Variants in ATP2B4 observed in about 807,000 individuals in gnomAD.
The protein encoded by ATP2B4 is plasma membrane calcium-transporting ATPase 4.
Under a neutral mutation model 110.3 loss-of-function variants are expected in ATP2B4, and 39 were observed. The observed-to-expected ratio is 0.35, with a 90% CI of 0.27 to 0.46. The LOEUF is 0.46. Among genes scored for constraint, ATP2B4 ranks in the 20% least tolerant of loss-of-function variants. ATP2B4 has a pLI of 1.00. For missense variants in ATP2B4, 1,135 were observed against 1,530.9 expected (o/e 0.74, Z 4.32); for synonymous variants, 538 against 571.7 (o/e 0.94, Z 0.84).
At chr1:203,694,202 C>A (rs531004808) in intron 2 of ATP2B4, among the ~76,000 whole-genome samples, 1 of 152,354 alleles carries the variant, frequency 6.6e-6, no homozygotes, top group Admixed American at 6.5e-5. Flanking sequence ...TCAGTTCATT[C>A]TACAAATTTG....
rs145315627 is a variant in ATP2B4 at position 203,628,225 on chromosome 1, T to G, written c.-465+1006T>G. ...CTCTCCCTTCTCTCTTTCTTTTACA[T>G]ACTTGGCTCGCTCTTGGTAGAGGGG... is the stretch of plus-strand genomic sequence containing the variant. On this transcript the variant is annotated intron_variant, in intron 1 of 20. Transcript: ENST00000357681. Among the ~76,000 whole-genome samples, 34 of 152,228 alleles carry G rather than the reference T, an allele frequency of 2.2e-4. No individual in the cohort carries two copies. The East Asian group carries it at 4.5e-3, about 20-fold the overall frequency.
chr1:203,666,716 C>T (rs1415436092), intron 1 of ATP2B4, among the ~76,000 whole-genome samples: 2 of 152,140 alleles, frequency 1.3e-5, no homozygotes, highest in Non-Finnish European at 2.9e-5. Context: ...ATTTTCTTTG[C>T]CCTGTTATGG....
chr1:203,681,207 G>A (rs1665000103), intron 1 of ATP2B4, among the ~76,000 whole-genome samples: 1 of 152,150 alleles, frequency 6.6e-6, no homozygotes, highest in African/African-American at 2.4e-5. Context: ...AATCTATGTG[G>A]CGAGGAGGAC....
At chr1:203,725,396 G>A (rs763914849) in intron 19 of ATP2B4, among the ~76,000 whole-genome samples, 4 of 152,076 alleles carry the variant, frequency 2.6e-5, no homozygotes, top group Non-Finnish European at 4.4e-5. Flanking sequence ...TGATCCACCC[G>A]CCATGGCCTC....
At chr1:203,663,497 T>C (rs187673279) in intron 1 of ATP2B4, among the ~76,000 whole-genome samples, 4 of 152,198 alleles carry the variant, frequency 2.6e-5, no homozygotes, top group Non-Finnish European at 5.9e-5. Flanking sequence ...TGAGAGGAAG[T>C]AGGAGAACCT....
chr1:203,677,356 C>T (rs555316446), intron 1 of ATP2B4, among the ~76,000 whole-genome samples: 2 of 152,300 alleles, frequency 1.3e-5, no homozygotes, highest in South Asian at 4.1e-4. Flanking sequence ...CCCAATCCCA[C>T]ATCCCTGTTC....
intron 1 of ATP2B4, among the ~76,000 whole-genome samples, chr1:203,677,970 G>A (rs1237023665): frequency 6.6e-6 from 1 of 152,236 alleles, no homozygotes; most frequent in Non-Finnish European, 1.5e-5. Flanking sequence ...GGCAGGGCAG[G>A]GAAGTGTCTG....
intron 20 of ATP2B4, among the ~76,000 whole-genome samples, chr1:203,731,725 G>C (rs1446358375): frequency 6.7e-6 from 1 of 150,260 alleles, no homozygotes; most frequent in African/African-American, 2.5e-5. Context: ...TGGCAGGTAC[G>C]TGTAGTCCCT....
At chr1:203,700,563 C>T (rs1036033272) in intron 5 of ATP2B4, among the ~76,000 whole-genome samples, 5 of 151,194 alleles carry the variant, frequency 3.3e-5, no homozygotes, top group Admixed American at 6.6e-5. Flanking sequence ...GCAGGGGTGG[C>T]GGGGGCAGGA....
intron 12 of ATP2B4, 57 bp from the exon 13 acceptor site, chr1:203,711,903 A>G: frequency 6.4e-7 from 1 of 1,569,484 alleles, no homozygotes; most frequent in Non-Finnish European, 8.7e-7. Context: ...AAACAGGGAC[A>G]GCTTACCAGG....
At chr1:203,679,610 C>T (rs971786953) in intron 1 of ATP2B4, among the ~76,000 whole-genome samples, 5 of 152,116 alleles carry the variant, frequency 3.3e-5, no homozygotes, top group Non-Finnish European at 4.4e-5. Flanking sequence ...TTCTGCCAGG[C>T]GCAGTAGTTC....
At chr1:203,647,622 G>A (rs1047137512) in intron 1 of ATP2B4, among the ~76,000 whole-genome samples, 3 of 151,976 alleles carry the variant, frequency 2.0e-5, no homozygotes. Context: ...AGCTGAGCGT[G>A]GTAGTGCATG....
intron 1 of ATP2B4, among the ~76,000 whole-genome samples, chr1:203,646,854 T>A (rs942745205): frequency 8.5e-5 from 13 of 152,328 alleles, no homozygotes; most frequent in African/African-American, 3.1e-4. Flanking sequence ...CAGAAAAGCA[T>A]GAAGAGAAAA....
chr1:203,711,209 A>G (rs1665999444), intron 12 of ATP2B4, 101 bp downstream of exon 12: 3 of 1,066,816 alleles, frequency 2.8e-6, no homozygotes, highest in Non-Finnish European at 4.2e-6. Flanking sequence ...TCTCACTTAG[A>G]GGGATAGAAG....
At chr1:203,650,869 T>G (rs2102317964) in intron 1 of ATP2B4, among the ~76,000 whole-genome samples, 1 of 152,328 alleles carries the variant, frequency 6.6e-6, no homozygotes, top group Non-Finnish European at 1.5e-5. Flanking sequence ...GGCCAGAATT[T>G]TTAAGTTGAT....
intron 1 of ATP2B4, among the ~76,000 whole-genome samples, chr1:203,635,043 C>G (rs1474145133): frequency 6.6e-6 from 1 of 152,054 alleles, no homozygotes; most frequent in Non-Finnish European, 1.5e-5. Context: ...GCTGCAAACT[C>G]AGCTCACCGC....
chr1:203,688,016 A>AG, intron 2 of ATP2B4, among the ~76,000 whole-genome samples: 1 of 147,170 alleles, frequency 6.8e-6, no homozygotes, highest in African/African-American at 2.5e-5. Context: ...TATTATTATT[A>AG]TTATTATTAT....
At chr1:203,699,788 G>C (rs762146092) in intron 4 of ATP2B4, 71 bp downstream of exon 4, 38 of 1,577,952 alleles carry the variant, frequency 2.4e-5, no homozygotes, top group Admixed American at 3.6e-5. Context: ...TTTGGCATGA[G>C]GGGGCTGGGA....
intron 1 of ATP2B4, among the ~76,000 whole-genome samples, chr1:203,662,635 G>A (rs1174985264): frequency 6.6e-6 from 1 of 152,216 alleles, no homozygotes; most frequent in Non-Finnish European, 1.5e-5. Context: ...GTGGCAGCAT[G>A]TGTCAGAACA....
Sources: allele counts gnomAD v4.1 joint callset (sites outside exome capture counted in the v4.1 genomes callset), GRCh38; gene constraint gnomAD v4.1.1; transcripts MANE v1.5; gene names NCBI Gene and HGNC (gene_info 2026-07-23, HGNC 2026-07-21).